Variants in IL4R observed in about 807,000 individuals in gnomAD.
IL4R encodes the protein interleukin 4 receptor, also known as interleukin-4 receptor subunit alpha.
In IL4R, 17 loss-of-function variants were observed where a neutral mutation model predicts 41.5. The ratio of observed to expected loss-of-function variants is 0.41; its 90% CI spans 0.28 to 0.61. The LOEUF is 0.61. Among genes scored for constraint, IL4R ranks in the 20% least tolerant of loss-of-function variants. The pLI is 0.31. For missense variants in IL4R, 974 were observed against 1,043.1 expected, an observed-to-expected ratio of 0.93 and a Z score of 0.91; for synonymous variants, 402 against 422.9, an observed-to-expected ratio of 0.95 and a Z score of 0.61.
chr16:27,363,072 G>T lies in IL4R; in HGVS notation c.1720G>T (p.Gly574Cys), dbSNP rs536765706. ...AAAPVSAPTS[G>C]YQEFVHAVEQ... ...AGCCCCCGTCTCGGCCCCCACCAGTGGCTATCAGGAGTTTGTACATGCGGT... is the reference window on the plus strand; with the variant it reads ...AGCCCCCGTCTCGGCCCCCACCAGTTGCTATCAGGAGTTTGTACATGCGGT... Residue 574 changes from glycine (G) to cysteine (C), a missense_variant, in exon 11 of 11, where the codon GGC (glycine) becomes TGC (cysteine). Transcript: ENST00000395762. 3 of 1,614,140 alleles carry T rather than the reference G, an allele frequency of 1.9e-6. No homozygotes were observed. The Middle Eastern group carries it at 4.9e-4, about 266-fold the overall frequency.
In IL4R at chr16:27,345,420, C is replaced by T. The variant is rs3024563; in HGVS notation, c.361+400C>T. 2,891 of 352,336 alleles carry T rather than the reference C, an allele frequency of 8.2e-3. 72 individuals are homozygous for T. The highest frequency in any genetic ancestry group is 0.056 in the African/African-American group (2,619 of 47,066). The allele number at this position is 352,336 out of a possible 1,614,324, so 21.8% of individuals were successfully genotyped here. ...TTGACCGTGGAAGGCTGACCTTCTT[C>T]TGGTACCCGGAGTCCCTGCAGGAAT... On this transcript the variant is annotated intron_variant, in intron 5 of 10. Coordinates refer to ENST00000395762, the MANE Select transcript of IL4R (RefSeq NM_000418.4). This position sits in a 1 kb window ranked among gnomAD's most constrained non-coding sequence, Gnocchi z 4.5.
chr16:27,342,280 G>A (rs1006912711), intron 4 of IL4R, 21 bp downstream of exon 4: 3 of 1,613,664 alleles, frequency 1.9e-6, no homozygotes, highest in Admixed American at 3.3e-5. Context: ...GCTGGAGCTG[G>A]AGGTTTGGGG....
chr16:27,355,988 T>C (rs2086060873), intron 8 of IL4R, 81 bp downstream of exon 8: 1 of 872,010 alleles, frequency 1.1e-6, no homozygotes, highest in South Asian at 1.4e-5. Flanking sequence ...TCTGCCCCTT[T>C]GCAGTCCTCT....
At chr16:27,314,148 C>A in intron 1 of IL4R, 128 bp downstream of exon 1, 1 of 967,434 alleles carries the variant, frequency 1.0e-6, no homozygotes, top group East Asian at 1.2e-4. Flanking sequence ...CGAGCGGGGC[C>A]CGAGCCCGCG....
At chr16:27,313,847 G>T, upstream of IL4R, 1 of 886,894 alleles carries the variant, frequency 1.1e-6, no homozygotes, top group African/African-American at 1.8e-5. Context: ...GGCGCGCCGG[G>T]CGGGGCGGCG....
At chr16:27,360,647 A>G in intron 9 of IL4R, 119 bp from the exon 10 acceptor site, 1 of 1,167,540 alleles carries the variant, frequency 8.6e-7, no homozygotes, top group Non-Finnish European at 1.3e-6. Context: ...AGCGTAAGTG[A>G]CCTGTTGGAC....
At position 27,362,712 on chromosome 16, in the gene IL4R, A is replaced by G. The variant is rs868177485; in HGVS notation, c.1360A>G (p.Lys454Glu). Residue 454 changes from lysine to glutamate, a missense_variant, in exon 11 of 11, where the codon AAG becomes GAG. Transcript: ENST00000395762. Reference sequence around the variant, plus strand: ...GGATGAGTTCCCAAGTGCAGGGCCCAAGGAGGCACCTCCCTGGGGCAAGGA... The same window carrying G: ...GGATGAGTTCCCAAGTGCAGGGCCCGAGGAGGCACCTCCCTGGGGCAAGGA... Reference protein sequence around the residue: ...PWDEFPSAGPKEAPPWGKEQP... With the variant: ...PWDEFPSAGPEEAPPWGKEQP... The G allele has an allele frequency of 6.2e-7, 1 of 1,614,148 alleles. No homozygotes were observed. The highest frequency in any genetic ancestry group is 8.5e-7 in the Non-Finnish European group (1 of 1,180,004).
At chr16:27,360,945 A>G (rs1435101327) in intron 10 of IL4R, 130 bp downstream of exon 10, 1 of 1,576,604 alleles carries the variant, frequency 6.3e-7, no homozygotes, top group South Asian at 1.1e-5. Flanking sequence ...ATTAGCCTTC[A>G]AGGGACGGCA....
chr16:27,361,113 C>T (rs554205765), intron 10 of IL4R: 17 of 1,104,568 alleles, frequency 1.5e-5, no homozygotes, highest in East Asian at 1.1e-4. Context: ...GTATACTTGT[C>T]GGCAAATAGC....
chr16:27,313,849 G>C (rs878863628), upstream of IL4R: 34 of 898,638 alleles, frequency 3.8e-5, no homozygotes, highest in South Asian at 1.2e-3. Context: ...CGCGCCGGGC[G>C]GGGCGGCGCA....
intron 1 of IL4R, among the ~76,000 whole-genome samples, chr16:27,328,476 T>C (rs947479592): frequency 1.2e-4 from 18 of 152,236 alleles, no homozygotes; most frequent in African/African-American, 4.3e-4. Context: ...TGACCTCAGG[T>C]GATCCACCTG....
Position 27,315,922 on chromosome 16 carries a change from C to T in IL4R, c.-152+1902C>T, listed in dbSNP as rs565650345. On this transcript the variant is annotated intron_variant, in intron 1 of 10. Transcript: ENST00000395762. Reference sequence around the variant, plus strand: ...CAACACATGCAGTTACCGGCAGGTCCGAGATAACCTAAGGGTTTCCAAATG... The same window carrying T: ...CAACACATGCAGTTACCGGCAGGTCTGAGATAACCTAAGGGTTTCCAAATG... Among the ~76,000 whole-genome samples the T allele has an allele frequency of 6.0e-4, 91 of 152,232 alleles. No individual in the cohort carries two copies. The South Asian group carries it at 0.017, about 29-fold the overall frequency.
rs376500365 is a variant in IL4R at position 27,363,705 on chromosome 16, A to G, written c.2353A>G (p.Ile785Val). Residue 785 changes from isoleucine (I) to valine (V), a missense_variant, in exon 11 of 11, where the codon ATC becomes GTC. By Grantham distance (29) the Ile-to-Val change is conservative. Coordinates refer to ENST00000395762, the MANE Select transcript of IL4R (RefSeq NM_000418.4). Reference protein sequence around the residue: ...LCPASLAPSGISEKSKSSSSF... With the variant: ...LCPASLAPSGVSEKSKSSSSF... Reference sequence around the variant, plus strand: ...TCCGGCCTCCCTGGCACCCTCGGGCATCTCAGAGAAGAGTAAATCCTCATC... The same window carrying G: ...TCCGGCCTCCCTGGCACCCTCGGGCGTCTCAGAGAAGAGTAAATCCTCATC... The G allele has an allele frequency of 6.2e-7, 1 of 1,613,624 alleles. No individual in the cohort carries two copies. Among genetic ancestry groups the G allele is most frequent in the African/African-American group, 1.3e-5 (1 of 74,834 alleles).
intron 2 of IL4R, among the ~76,000 whole-genome samples, chr16:27,336,667 ACT>A (rs1322677949): frequency 7.2e-6 from 1 of 139,130 alleles, no homozygotes; most frequent in Admixed American, 7.2e-5. Flanking sequence ...AACAGAGTAA[ACT>A]CTGTCTCAAA....
chr16:27,325,641 G>T (rs929180310), intron 1 of IL4R, among the ~76,000 whole-genome samples: 1 of 151,916 alleles, frequency 6.6e-6, no homozygotes, highest in African/African-American at 2.4e-5. Context: ...CATAGGGAGG[G>T]CTTAAAGCAC....
intron 1 of IL4R, among the ~76,000 whole-genome samples, chr16:27,327,170 G>T (rs1396253125): frequency 6.6e-6 from 1 of 152,222 alleles, no homozygotes; most frequent in East Asian, 1.9e-4. Context: ...GCTGTCCCTG[G>T]ATTCCTCTCC....
rs397799306 is a variant in IL4R at position 27,322,116 on chromosome 16, T to TA, written c.-151-7949dup. On this transcript the variant is annotated intron_variant, in intron 1 of 10. Coordinates refer to ENST00000395762, the MANE Select transcript of IL4R (RefSeq NM_000418.4). ...TGTCACTATGTGGTTTTTTTTTTTT[T>TA]ACCTGATTTACCTCCCACCGTAATA... Among the ~76,000 whole-genome samples, 3 of 151,866 alleles carry TA rather than the reference T, an allele frequency of 2.0e-5. No individual in the cohort carries two copies. In the East Asian group the frequency reaches 5.8e-4, roughly 29 times the overall value.
At chr16:27,350,736 A>G (rs960842924) in intron 6 of IL4R, among the ~76,000 whole-genome samples, 2 of 152,214 alleles carry the variant, frequency 1.3e-5, no homozygotes, top group African/African-American at 4.8e-5. Context: ...CAAAATAAAA[A>G]TACAAATGGT....
At chr16:27,359,889 A>C in intron 9 of IL4R, 1 of 405,370 alleles carries the variant, frequency 2.5e-6, no homozygotes, top group African/African-American at 2.3e-5. Context: ...ATGCTTCTGC[A>C]GGCTGGCATT....
Sources: allele counts gnomAD v4.1 joint callset (sites outside exome capture counted in the v4.1 genomes callset), GRCh38; gene constraint gnomAD v4.1.1; non-coding constraint Gnocchi (gnomAD v3.1); transcripts MANE v1.5; gene names NCBI Gene and HGNC (gene_info 2026-07-23, HGNC 2026-07-21).